CAGE1: variants seen among roughly 807,000 people sequenced by gnomAD.
CAGE1 encodes the protein cancer antigen 1, also known as cancer-associated gene 1 protein.
CAGE1 carries 66 observed loss-of-function variants against 94.9 expected under a neutral mutation model. The observed-to-expected ratio is 0.70, with a 90% CI of 0.57 to 0.85. The LOEUF (loss-of-function observed/expected upper bound fraction) is 0.85. Among genes scored for constraint, CAGE1 ranks in the 40% least tolerant of loss-of-function variants. CAGE1 has a pLI of 0.00. For synonymous variants in CAGE1, 319 were observed against 321.0 expected (o/e 0.99, Z 0.07); for missense variants, 865 against 950.4 (o/e 0.91, Z 1.18).
chr6:7,375,324 G>A (rs1049749520), intron 4 of CAGE1, among the ~76,000 whole-genome samples: 3 of 150,274 alleles, frequency 2.0e-5, no homozygotes, highest in African/African-American at 7.4e-5. Flanking sequence ...TAGGAGAATT[G>A]CTTGAACCCT....
intron 10 of CAGE1, among the ~76,000 whole-genome samples, chr6:7,355,387 C>A (rs1759916974): frequency 6.6e-6 from 1 of 152,112 alleles, no homozygotes; most frequent in Admixed American, 6.5e-5. Context: ...TATGCATCAA[C>A]TAGGGATTAG....
intron 9 of CAGE1, among the ~76,000 whole-genome samples, chr6:7,358,686 T>A (rs560946113): frequency 1.7e-3 from 266 of 152,050 alleles, no homozygotes; most frequent in Middle Eastern, 0.014. Flanking sequence ...ACAAAAAAAA[T>A]TTTTTTTAAT....
At chr6:7,341,084 A>G in intron 11 of CAGE1, 2 of 531,344 alleles carry the variant, frequency 3.8e-6, no homozygotes, top group African/African-American at 1.9e-5. Flanking sequence ...CAGCTGTGAA[A>G]GGGGATCTCC....
intron 9 of CAGE1, among the ~76,000 whole-genome samples, chr6:7,361,637 T>G (rs1286479235): frequency 6.6e-6 from 1 of 152,098 alleles, no homozygotes; most frequent in Non-Finnish European, 1.5e-5. Context: ...AGGAAACAGA[T>G]TGGTGTGATA....
intron 11 of CAGE1, among the ~76,000 whole-genome samples, chr6:7,337,693 T>TTCCC (rs1238837550): frequency 2.0e-5 from 3 of 152,232 alleles, no homozygotes; most frequent in Non-Finnish European, 4.4e-5. Flanking sequence ...CAGGTCTGCA[T>TTCCC]TCCCTGGTCT....
intron 11 of CAGE1, chr6:7,341,801 C>A: frequency 2.9e-6 from 2 of 681,778 alleles, no homozygotes; most frequent in Non-Finnish European, 5.6e-6. Flanking sequence ...TTTAGAACAA[C>A]CACATTTTCT....
At chr6:7,355,911 G>A in intron 10 of CAGE1, 114 bp downstream of exon 10, 2 of 616,896 alleles carry the variant, frequency 3.2e-6, no homozygotes, top group Non-Finnish European at 5.7e-6. Flanking sequence ...ACTGAGGCAA[G>A]GAGGCTTGCT....
intron 11 of CAGE1, among the ~76,000 whole-genome samples, chr6:7,343,198 A>AAAAAGAAAAGAAAAGAAAAGAAAAG (rs1554136906): frequency 6.6e-5 from 9 of 137,342 alleles, no homozygotes; most frequent in Non-Finnish European, 6.1e-5. Context: ...CACAAAAAAA[A>AAAAAGAAAAGAAAAGAAAAGAAAAG]AAAAGAAAAG....
chr6:7,377,085 CATTT>C (rs1240689553), intron 4 of CAGE1, among the ~76,000 whole-genome samples: 4 of 152,106 alleles, frequency 2.6e-5, no homozygotes, highest in African/African-American at 4.8e-5. Context: ...TGCAAGTTCA[CATTT>C]ATTTGTGTGA....
chr6:7,328,923 T>TAC (rs1758634125), intron 13 of CAGE1, among the ~76,000 whole-genome samples: 1 of 67,528 alleles, frequency 1.5e-5, no homozygotes. Context: ...TGTGTGTATA[T>TAC]ATATATATAT....
chr6:7,373,109 A>T lies in CAGE1; in HGVS notation c.1710T>A (p.Asp570Glu), dbSNP rs1463477708. Residue 570 changes from aspartate (D) to glutamate (E), a missense_variant, in exon 5 of 14, where the codon GAT becomes GAA. Asp to Glu is a conservative substitution (Grantham distance 45, BLOSUM62 2). Coordinates refer to ENST00000502583, the MANE Select transcript of CAGE1 (RefSeq NM_001170692.2). ...VPKFETAQLK[D>E]QLEEVLKSDI... Reference sequence around the variant, plus strand: ...CTGACTTCAAGACTTCCTCTAATTGATCCTTTAACTGAGCTGTCTCAAATT... The same window carrying T: ...CTGACTTCAAGACTTCCTCTAATTGTTCCTTTAACTGAGCTGTCTCAAATT... 1 of 1,610,024 alleles carries T rather than the reference A, an allele frequency of 6.2e-7. No individual in the cohort carries two copies. Among genetic ancestry groups the T allele is most frequent in the African/African-American group, 1.3e-5 (1 of 74,666 alleles).
At chr6:7,361,303 C>T (rs1760157317) in intron 9 of CAGE1, among the ~76,000 whole-genome samples, 1 of 152,144 alleles carries the variant, frequency 6.6e-6, no homozygotes, top group Non-Finnish European at 1.5e-5. Flanking sequence ...AACACCAAAG[C>T]ACAACTCAGT....
chr6:7,358,296 T>G (rs1760049953), intron 9 of CAGE1, among the ~76,000 whole-genome samples: 1 of 151,884 alleles, frequency 6.6e-6, no homozygotes, highest in East Asian at 1.9e-4. Flanking sequence ...TATTTACTCT[T>G]TTTTTGTCTA....
chr6:7,332,387 A>G (rs1294199687), intron 12 of CAGE1, among the ~76,000 whole-genome samples: 1 of 152,190 alleles, frequency 6.6e-6, no homozygotes, highest in Admixed American at 6.5e-5. Context: ...AGCCCCGAAG[A>G]ATCTGGCATT....
At chr6:7,355,900 G>A in intron 10 of CAGE1, 125 bp downstream of exon 10, 1 of 597,778 alleles carries the variant, frequency 1.7e-6, no homozygotes, top group East Asian at 2.9e-5. Flanking sequence ...CTACTCATGA[G>A]ACTGAGGCAA....
chr6:7,337,343 A>C (rs1758993189), intron 11 of CAGE1, among the ~76,000 whole-genome samples: 1 of 151,860 alleles, frequency 6.6e-6, no homozygotes, highest in Non-Finnish European at 1.5e-5. Flanking sequence ...AAAAAAAAAA[A>C]AAAGAAGAGC....
chr6:7,335,071 A>AG (rs1429481520), intron 11 of CAGE1, among the ~76,000 whole-genome samples: 9 of 152,196 alleles, frequency 5.9e-5, no homozygotes, highest in African/African-American at 2.2e-4. Flanking sequence ...CTCATTCCTG[A>AG]GGGGGCTTGG....
At chr6:7,364,734 C>T (rs2113431685) in intron 9 of CAGE1, among the ~76,000 whole-genome samples, 1 of 152,082 alleles carries the variant, frequency 6.6e-6, no homozygotes, top group East Asian at 1.9e-4. Flanking sequence ...TCCCAAAGTG[C>T]TTGGATTACA....
chr6:7,372,810 A>G (rs1368513297), intron 5 of CAGE1, among the ~76,000 whole-genome samples: 1 of 152,158 alleles, frequency 6.6e-6, no homozygotes, highest in Non-Finnish European at 1.5e-5. Flanking sequence ...ATAGGACTAT[A>G]GGCGCACACC....
Sources: gnomAD v4.1 joint callset for allele counts (sites outside exome capture counted in the v4.1 genomes callset) on GRCh38, gnomAD v4.1.1 for gene constraint, MANE v1.5 for transcripts, NCBI Gene and HGNC (gene_info 2026-07-23, HGNC 2026-07-21) for gene names.